Variants in ULK4 observed in about 807,000 individuals in gnomAD.
ULK4 encodes the protein unc-51 like kinase 4, also known as inactive serine/threonine-protein kinase ULK4.
A neutral mutation model predicts 160.6 loss-of-function variants in ULK4; 133 were observed. That is an observed-to-expected ratio of 0.83 (90% CI 0.72 to 0.96). The LOEUF (loss-of-function observed/expected upper bound fraction) is 0.96, where lower values mean the gene tolerates loss of function less well. ULK4 is among the 40% of genes least tolerant of loss of function. The pLI is 0.00. For missense variants in ULK4, 1,580 were observed against 1,499.5 expected (o/e 1.05, Z -0.89); for synonymous variants, 534 against 539.8 (o/e 0.99, Z 0.15).
intron 34 of ULK4, among the ~76,000 whole-genome samples, chr3:41,422,421 G>C (rs1402202786): frequency 6.6e-6 from 1 of 152,058 alleles, no homozygotes; most frequent in Non-Finnish European, 1.5e-5. Context: ...TAGAAGGTGA[G>C]ATGCTTAAAT....
At chr3:41,951,146 A>AAG (rs1425866080) in intron 2 of ULK4, among the ~76,000 whole-genome samples, 2 of 110,274 alleles carry the variant, frequency 1.8e-5, no homozygotes, top group African/African-American at 6.8e-5. Context: ...CTTCGTCTCA[A>AAG]AAAAAAAAAA....
In ULK4 at chr3:41,953,818, C is replaced by T. The variant is rs571905596; in HGVS notation, c.138+804G>A. Among the ~76,000 whole-genome samples the T allele has an allele frequency of 6.8e-3, 1,033 of 152,222 alleles. 12 individuals are homozygous for T. The highest frequency in any genetic ancestry group is 0.023 in the African/African-American group (959 of 41,532). ...ATCCCAACACTTCGGGAGGCTGAGG[C>T]AGGCAGACTGCTTGAGCTCAGGAGT... is the stretch of plus-strand genomic sequence containing the variant. On this transcript the variant is annotated intron_variant, in intron 2 of 36. Transcript: ENST00000301831.
intron 32 of ULK4, among the ~76,000 whole-genome samples, chr3:41,513,081 C>T (rs993006998): frequency 6.6e-6 from 1 of 152,124 alleles, no homozygotes; most frequent in Non-Finnish European, 1.5e-5. Context: ...GTGCTGGGAT[C>T]ACTGGCAAGC....
At chr3:41,889,358 A>G (rs1697834620) in intron 16 of ULK4, among the ~76,000 whole-genome samples, 1 of 152,234 alleles carries the variant, frequency 6.6e-6, no homozygotes, top group African/African-American at 2.4e-5. Flanking sequence ...AAGAAAATGA[A>G]CAAAACCTTT....
At chr3:41,431,931 A>C (rs946969831) in intron 34 of ULK4, among the ~76,000 whole-genome samples, 1 of 151,614 alleles carries the variant, frequency 6.6e-6, no homozygotes, top group African/African-American at 2.4e-5. Flanking sequence ...CTGGGACTAC[A>C]GGCGCCGGCC....
At chr3:41,642,161 A>C (rs899523497) in intron 30 of ULK4, among the ~76,000 whole-genome samples, 5 of 152,088 alleles carry the variant, frequency 3.3e-5, no homozygotes, top group African/African-American at 1.2e-4. Flanking sequence ...GGCGTGACCC[A>C]CTGCGCCCAG....
At chr3:41,830,448 G>A (rs2041539437) in intron 18 of ULK4, among the ~76,000 whole-genome samples, 1 of 152,048 alleles carries the variant, frequency 6.6e-6, no homozygotes, top group Admixed American at 6.6e-5. Flanking sequence ...TATGGAGACA[G>A]TAGGGGATTA....
At chr3:41,341,834 A>G (rs1192705518) in intron 35 of ULK4, among the ~76,000 whole-genome samples, 1 of 152,204 alleles carries the variant, frequency 6.6e-6, no homozygotes, top group East Asian at 1.9e-4. Flanking sequence ...AGCAACACAA[A>G]TAGTCAAATG....
At chr3:41,911,436 T>A (rs1575934116) in intron 10 of ULK4, 50 bp from the exon 11 acceptor site, 1 of 1,602,080 alleles carries the variant, frequency 6.2e-7, no homozygotes, top group African/African-American at 1.3e-5. Flanking sequence ...AAATATCATA[T>A]GCAAGGCATA....
intron 32 of ULK4, among the ~76,000 whole-genome samples, chr3:41,548,412 C>T (rs2086940033): frequency 1.3e-5 from 2 of 152,036 alleles, no homozygotes. Flanking sequence ...CAAGCACATA[C>T]ACCATCAGAA....
intron 30 of ULK4, among the ~76,000 whole-genome samples, chr3:41,648,414 T>C (rs1339248008): frequency 3.3e-5 from 5 of 152,200 alleles, no homozygotes; most frequent in African/African-American, 7.2e-5. Flanking sequence ...CAGCTCCAAA[T>C]AGAATTATGT....
intron 21 of ULK4, among the ~76,000 whole-genome samples, chr3:41,775,255 T>C (rs954121591): frequency 6.6e-6 from 1 of 150,594 alleles, no homozygotes; most frequent in African/African-American, 2.5e-5. Context: ...TATAAAGATT[T>C]ATATTTTTAA....
At chr3:41,549,793 GA>G (rs1017004405) in intron 32 of ULK4, among the ~76,000 whole-genome samples, 3 of 151,200 alleles carry the variant, frequency 2.0e-5, no homozygotes, top group African/African-American at 2.4e-5. Context: ...AAAACAGTAA[GA>G]AAAAAAAGTG....
intron 35 of ULK4, among the ~76,000 whole-genome samples, chr3:41,271,591 A>G (rs554755310): frequency 1.5e-4 from 23 of 152,146 alleles, no homozygotes; most frequent in African/African-American, 5.3e-4. Flanking sequence ...ACGGAGTTTC[A>G]CGATGTTGGC....
At chr3:41,564,294 C>T (rs373984915) in intron 32 of ULK4, among the ~76,000 whole-genome samples, 2 of 152,036 alleles carry the variant, frequency 1.3e-5, no homozygotes, top group East Asian at 1.9e-4. Flanking sequence ...AGGTGTCTGT[C>T]GGCCCCTTCT....
chr3:41,791,465 T>C (rs1315936371), intron 20 of ULK4, among the ~76,000 whole-genome samples: 1 of 152,192 alleles, frequency 6.6e-6, no homozygotes, highest in Non-Finnish European at 1.5e-5. Context: ...GACTTTATTA[T>C]AGCCAGAAAG....
intron 32 of ULK4, among the ~76,000 whole-genome samples, chr3:41,560,448 T>C (rs2087517640): frequency 6.6e-6 from 1 of 152,232 alleles, no homozygotes; most frequent in Non-Finnish European, 1.5e-5. Flanking sequence ...ATAAATTACC[T>C]TGGGCAGTAT....
chr3:41,475,936 G>A (rs552950284), intron 32 of ULK4, among the ~76,000 whole-genome samples: 218 of 149,742 alleles, frequency 1.5e-3, no homozygotes, highest in African/African-American at 5.4e-3. Context: ...AGCGAAGGAA[G>A]GAGGGAGAAG....
At chr3:41,955,940 AG>A (rs1260910375) in intron 1 of ULK4, among the ~76,000 whole-genome samples, 5 of 152,214 alleles carry the variant, frequency 3.3e-5, no homozygotes, top group African/African-American at 1.2e-4. Flanking sequence ...ACATCTGCAC[AG>A]TGGGATAATA....
Sources: allele counts gnomAD v4.1 joint callset (sites outside exome capture counted in the v4.1 genomes callset), GRCh38; gene constraint gnomAD v4.1.1; transcripts MANE v1.5; gene names NCBI Gene and HGNC (gene_info 2026-07-23, HGNC 2026-07-21).